Variants in ADAMTS8 observed in about 807,000 individuals in gnomAD.
ADAMTS8 encodes ADAM metallopeptidase with thrombospondin type 1 motif 8, also known as A disintegrin and metalloproteinase with thrombospondin motifs 8.
In ADAMTS8, 50 loss-of-function variants were observed where a neutral mutation model predicts 64.4. That is an observed-to-expected ratio of 0.78 (90% confidence interval 0.62 to 0.98). ADAMTS8 has a LOEUF of 0.98. Ranked by LOEUF, ADAMTS8 falls within the 50% of genes least tolerant of loss-of-function variation. ADAMTS8 has a pLI of 0.00. For synonymous variants in ADAMTS8, 556 were observed against 533.6 expected (o/e 1.04, Z -0.58); for missense variants, 1,192 against 1,208.2 (o/e 0.99, Z 0.20).
Position 130,427,886 on chromosome 11 carries a change from G to A in ADAMTS8, c.401C>T (p.Thr134Ile). 2.0e-6 allele frequency: 3 copies of A among 1,534,958 alleles called. No homozygotes were observed. Among genetic ancestry groups the A allele is most frequent in the Non-Finnish European group, 2.6e-6 (3 of 1,146,238 alleles). The change falls in exon 1 of 9, where the codon ACC (threonine) becomes ATC (isoleucine). Residue 134 changes from threonine to isoleucine, a missense_variant. Around this residue, in one of 5 missense-constraint regions of ADAMTS8, gnomAD observed 741 missense variants for 710.6 expected, o/e 1.04. Transcript: ENST00000257359. ...GSFLLDGEEF[T>I]IQPQGAGGSL... ...GCCCCCCGCGCCCTGCGGCTGGATG[G>A]TGAACTCCTCGCCGTCCAGCAGGAA...
rs182466124 is a variant in ADAMTS8, at chr11:130,416,096, G to T, written c.1264+67C>A. On this transcript the variant is annotated intron_variant, in intron 4 of 8. Coordinates refer to ENST00000257359, the MANE Select transcript of ADAMTS8 (RefSeq NM_007037.6). This position sits in a 1 kb window ranked among gnomAD's most constrained non-coding sequence, Gnocchi z 4.8. ...CTGTGAGGAGGCACAGCTGGAGGGGGTCTCTGCGCCAGCACCAGTGGAAGG... is the reference window on the plus strand; with the variant it reads ...CTGTGAGGAGGCACAGCTGGAGGGGTTCTCTGCGCCAGCACCAGTGGAAGG... The T allele has an allele frequency of 3.0e-4, 434 of 1,470,586 alleles. 2 individuals are homozygous for T. The African/African-American group carries it at 5.5e-3, about 19-fold the overall frequency. 91.1% of individuals were successfully genotyped at this position (1,470,586 alleles called of 1,614,324 possible). A position where few individuals can be genotyped will look rare whatever the true frequency, so the allele number is the denominator to read the frequency against.
chr11:130,409,061 G>A (rs939512822), intron 6 of ADAMTS8, 121 bp from the exon 7 acceptor site: 9 of 1,146,666 alleles, frequency 7.8e-6, no homozygotes, highest in Middle Eastern at 2.8e-4. Context: ...CAACCCAGGC[G>A]CCCAGGGCCA....
chr11:130,408,039 C>T (rs1861905474), intron 8 of ADAMTS8, among the ~76,000 whole-genome samples: 1 of 152,124 alleles, frequency 6.6e-6, no homozygotes, highest in Non-Finnish European at 1.5e-5. Flanking sequence ...TCTGAAGATC[C>T]ATCTGCAGAA....
chr11:130,408,802 C>A lies in ADAMTS8; in HGVS notation c.1889G>T (p.Arg630Leu). The A allele has an allele frequency of 6.2e-7, 1 of 1,614,148 alleles. No individual in the cohort carries two copies. Among genetic ancestry groups the A allele is most frequent in the Non-Finnish European group, 8.5e-7 (1 of 1,180,016 alleles). The part of the protein sequence containing the change: ...RDRCKLFCRA[R>L]GRSEFKVFEA... The stretch of plus-strand genomic sequence containing the variant: ...GAACACTTTGAACTCGCTCCTCCCC[C>A]GGGCTCGGCAGAACAACTTGCAGCG... The change falls in exon 7 of 9, where the codon CGG becomes CTG. Residue 630 changes from arginine to leucine, a missense_variant. Arg to Leu is a moderately radical substitution (Grantham distance 102). Around this residue, in one of 5 missense-constraint regions of ADAMTS8, gnomAD observed 290 missense variants for 297.8 expected, o/e 0.97. Coordinates refer to ENST00000257359, the MANE Select transcript of ADAMTS8 (RefSeq NM_007037.6).
chr11:130,421,454 G>A (rs1592134031), intron 1 of ADAMTS8, among the ~76,000 whole-genome samples: 1 of 152,170 alleles, frequency 6.6e-6, no homozygotes, highest in Non-Finnish European at 1.5e-5. Flanking sequence ...ATTTAGCTTC[G>A]AGGGGTGGGC....
At position 130,404,939 on chromosome 11, in the gene ADAMTS8, C is replaced by T. The variant is rs1447596357; in HGVS notation, c.*619G>A. On this transcript the variant is annotated 3_prime_UTR_variant, in exon 9 of 9. Transcript: ENST00000257359. ...ACCACTGCATTGGCATAAGATCACA[C>T]TTTAGTTCAGAGACACATTTGCATA... 1.0e-6 allele frequency: 1 copy of T among 971,816 alleles called. No individual in the cohort carries two copies. Among genetic ancestry groups the T allele is most frequent in the East Asian group, 1.1e-4 (1 of 8,746 alleles). 60.2% of individuals were successfully genotyped at this position (971,816 alleles called of 1,614,324 possible).
Position 130,416,325 on chromosome 11 carries a change from C to T in ADAMTS8, c.1102G>A (p.Val368Ile), listed in dbSNP as rs778449559. The T allele has an allele frequency of 6.2e-5, 97 of 1,561,484 alleles. 1 individual carries two copies. In the South Asian group the frequency reaches 9.2e-4, roughly 15 times the overall value. ...AHTLAHELGH[V>I]LSMPHDDSKP... is the part of the protein sequence containing the mutation. ...GAGTCGTCGTGGGGCATGCTGAGGA[C>T]GTGCCCTGGGGAGAGAGGCCTGGTC... Residue 368 changes from valine (V) to isoleucine (I), a missense_variant, in exon 4 of 9, where the codon GTC becomes ATC. Transcript: ENST00000257359. The surrounding 1 kb of genome is among the most constrained non-coding windows in gnomAD (Gnocchi z 4.8).
intron 6 of ADAMTS8, among the ~76,000 whole-genome samples, chr11:130,410,521 T>A (rs1861939423): frequency 6.6e-6 from 1 of 152,146 alleles, no homozygotes; most frequent in South Asian, 2.1e-4. Flanking sequence ...TTCTAGAGCC[T>A]CAAACCATTG....
At position 130,419,072 on chromosome 11, in the gene ADAMTS8, G is replaced by T; in HGVS notation, c.941C>A (p.Ala314Asp). The change falls in exon 2 of 9, where the codon GCC becomes GAC. Residue 314 changes from alanine to aspartate, a missense_variant. Coordinates refer to ENST00000257359, the MANE Select transcript of ADAMTS8 (RefSeq NM_007037.6). ...SDRHPEHYDT[A>D]ILLTRQNFCG... is the part of the protein sequence containing the mutation. Reference sequence around the variant, plus strand: ...ACGGACCTGTCTGGTGAGCAGGATGGCCGTGTCGTAGTGCTCTGGGTGGCG... The same window carrying T: ...ACGGACCTGTCTGGTGAGCAGGATGTCCGTGTCGTAGTGCTCTGGGTGGCG... The T allele has an allele frequency of 6.2e-7, 1 of 1,614,142 alleles. No individual in the cohort carries two copies. The highest frequency in any genetic ancestry group is 8.5e-7 in the Non-Finnish European group (1 of 1,180,048).
In ADAMTS8 at chr11:130,416,473, G is replaced by T; in HGVS notation, c.1097-143C>A. The T allele has an allele frequency of 2.1e-6, 2 of 949,354 alleles. No individual in the cohort carries two copies. The highest frequency in any genetic ancestry group is 3.0e-6 in the Non-Finnish European group (2 of 662,038). The allele number at this position is 949,354 out of a possible 1,614,324, so 58.8% of individuals were successfully genotyped here. On this transcript the variant is annotated intron_variant, in intron 3 of 8. Transcript: ENST00000257359. The surrounding 1 kb of genome is among the most constrained non-coding windows in gnomAD (Gnocchi z 4.8). ...ATTTCTGCGTAGGGCTTTCCCCTGC[G>T]CTTTGCTCTTCCAGGACGCGTTCTC...
intron 1 of ADAMTS8, among the ~76,000 whole-genome samples, chr11:130,424,323 A>C (rs1354834267): frequency 6.6e-6 from 1 of 152,204 alleles, no homozygotes; most frequent in Admixed American, 6.5e-5. Context: ...TGAGCTGTGC[A>C]GTCTCCCTCT....
chr11:130,416,665 G>A lies in ADAMTS8; in HGVS notation c.1096+275C>T, dbSNP rs534693761. ...CAGCTCCACGCCTCCACCCCAGCAC[G>A]TGTCTGGTGTCCTGTGTCCTGGCAT... On this transcript the variant is annotated intron_variant, in intron 3 of 8. Transcript: ENST00000257359. This position sits in a 1 kb window ranked among gnomAD's most constrained non-coding sequence, Gnocchi z 4.8. Among the ~76,000 whole-genome samples, 5 of 152,314 alleles carry A rather than the reference G, an allele frequency of 3.3e-5. No homozygotes were observed. Among genetic ancestry groups the A allele is most frequent in the South Asian group, 2.1e-4 (1 of 4,822 alleles).
chr11:130,426,903 GC>G (rs958030661), intron 1 of ADAMTS8, among the ~76,000 whole-genome samples: 5 of 152,192 alleles, frequency 3.3e-5, no homozygotes, highest in African/African-American at 1.2e-4. Flanking sequence ...GAAGTTCTCT[GC>G]CCCTCCCTCT....
intron 1 of ADAMTS8, among the ~76,000 whole-genome samples, chr11:130,424,276 G>A (rs112298789): frequency 2.6e-5 from 4 of 152,220 alleles, no homozygotes; most frequent in Non-Finnish European, 5.9e-5. Context: ...GATCCTGATC[G>A]GTGCTGTCTG....
At position 130,405,728 on chromosome 11, in the gene ADAMTS8, C is replaced by T. The variant is rs754672038; in HGVS notation, c.2500G>A (p.Ala834Thr). 1.1e-5 allele frequency: 17 copies of T among 1,614,034 alleles called. No homozygotes were observed. The highest frequency in any genetic ancestry group is 3.3e-5 in the South Asian group (3 of 91,094). ...TTNIIQPLLH[A>T]QWVLGDWSEC... Reference sequence around the variant, plus strand: ...GACCAGTCCCCCAGCACCCACTGTGCGTGGAGCAGCGGCTGGATGATGTTG... The same window carrying T: ...GACCAGTCCCCCAGCACCCACTGTGTGTGGAGCAGCGGCTGGATGATGTTG... Residue 834 changes from alanine (A) to threonine (T), a missense_variant, in exon 9 of 9, where the codon GCA (alanine) becomes ACA (threonine). Ala to Thr is a moderately conservative substitution (Grantham distance 58). Transcript: ENST00000257359.
At chr11:130,407,320 C>T (rs376776056) in intron 8 of ADAMTS8, among the ~76,000 whole-genome samples, 16 of 152,224 alleles carry the variant, frequency 1.1e-4, no homozygotes, top group South Asian at 2.1e-4. Context: ...GAGCCAAGAT[C>T]GTGCCACCGC....
chr11:130,407,480 G>GAC (rs771447121), intron 8 of ADAMTS8, among the ~76,000 whole-genome samples: 143 of 152,036 alleles, frequency 9.4e-4, no homozygotes, highest in Admixed American at 1.4e-3. Context: ...CAGACAGACA[G>GAC]ACAGACACAC....
intron 1 of ADAMTS8, 70 bp downstream of exon 1, chr11:130,427,476 TCAGAGGGATTGGAAGGGGAGA>T: frequency 3.7e-6 from 2 of 537,694 alleles, no homozygotes; most frequent in Admixed American, 5.9e-5. Flanking sequence ...TTTTTTTTTC[TCAGAGGGATTGGAAGGGGAGA>T]TTTTAGAGAC....
chr11:130,405,546 T>G lies in ADAMTS8; in HGVS notation c.*12A>C, dbSNP rs1485250970. The G allele has an allele frequency of 6.3e-7, 1 of 1,584,176 alleles. No homozygotes were observed. The highest frequency in any genetic ancestry group is 1.3e-5 in the African/African-American group (1 of 74,482). ...TGTCCAGGAGCACAAGACTGGCCCC[T>G]GCCCCCCTGAATCACAGGGGGCACA... On this transcript the variant is annotated 3_prime_UTR_variant, in exon 9 of 9. Transcript: ENST00000257359.
Sources: allele counts gnomAD v4.1 joint callset (sites outside exome capture counted in the v4.1 genomes callset), GRCh38; gene constraint gnomAD v4.1.1; regional missense constraint gnomAD v4.1.1; non-coding constraint Gnocchi (gnomAD v3.1); transcripts MANE v1.5; gene names NCBI Gene and HGNC (gene_info 2026-07-23, HGNC 2026-07-21).